CDK5RAP1: variants seen among roughly 807,000 people sequenced by gnomAD.
CDK5RAP1 encodes CDK5RAP1 mitochondrial tRNA methylthiotransferase, also known as mitochondrial tRNA methylthiotransferase CDK5RAP1.
CDK5RAP1 carries 62 observed loss-of-function variants against 64.5 expected under a neutral mutation model. That is an observed-to-expected ratio of 0.96 (90% CI 0.78 to 1.19). CDK5RAP1 has a LOEUF of 1.19. Ranked by LOEUF, CDK5RAP1 falls within the 50% of genes most tolerant of loss-of-function variation. CDK5RAP1 has a pLI of 0.00. For missense variants in CDK5RAP1, 657 were observed against 735.0 expected (o/e 0.89, Z 1.23); for synonymous variants, 250 against 261.9 (o/e 0.95, Z 0.44).
At chr20:33,388,533 CCCCTCT>C (rs1987767941) in intron 5 of CDK5RAP1, among the ~76,000 whole-genome samples, 2 of 89,618 alleles carry the variant, frequency 2.2e-5, no homozygotes, top group South Asian at 1.1e-3. Context: ...TCTCCCTCTC[CCCCTCT>C]CCCTCTCCCC....
At position 33,388,643 on chromosome 20, in the gene CDK5RAP1, C is replaced by T. The variant is rs1987813266; in HGVS notation, c.545-1110G>A. Among the ~76,000 whole-genome samples, 11 of 150,936 alleles carry T rather than the reference C, an allele frequency of 7.3e-5. No individual in the cohort carries two copies. The South Asian group carries it at 2.3e-3, about 32-fold the overall frequency. On this transcript the variant is annotated intron_variant, in intron 5 of 13. Coordinates refer to ENST00000346416, the MANE Select transcript of CDK5RAP1 (RefSeq NM_016408.4). Reference sequence around the variant, plus strand: ...CCTCTCTTTCCACTGTCTCCCTCTCCCTCTCTTTCCACGGTCTCCCTCTGA... The same window carrying T: ...CCTCTCTTTCCACTGTCTCCCTCTCTCTCTCTTTCCACGGTCTCCCTCTGA...
intron 12 of CDK5RAP1, among the ~76,000 whole-genome samples, chr20:33,361,114 T>C (rs1455626804): frequency 6.6e-6 from 1 of 152,200 alleles, no homozygotes; most frequent in African/African-American, 2.4e-5. Context: ...TTTCGGATAC[T>C]GGACAAGAGA....
intron 5 of CDK5RAP1, among the ~76,000 whole-genome samples, chr20:33,391,328 C>CTAG (rs2146706646): frequency 6.6e-6 from 1 of 151,770 alleles, no homozygotes; most frequent in South Asian, 2.1e-4. Context: ...CTGGTAGCCC[C>CTAG]TAGTCATGTG....
At chr20:33,385,111 G>A (rs1049654930) in intron 7 of CDK5RAP1, among the ~76,000 whole-genome samples, 3 of 152,134 alleles carry the variant, frequency 2.0e-5, no homozygotes, top group Admixed American at 1.3e-4. Context: ...GCTCCCAGTG[G>A]GAGAAAGAAG....
At position 33,389,616 on chromosome 20, in the gene CDK5RAP1, C is replaced by T. The variant is rs890998118; in HGVS notation, c.545-2083G>A. 3.3e-5 allele frequency among the ~76,000 whole-genome samples: 5 copies of T among 151,660 alleles called. No individual in the cohort carries two copies. The South Asian group carries it at 6.2e-4, about 19-fold the overall frequency. On this transcript the variant is annotated intron_variant, in intron 5 of 13. Coordinates refer to ENST00000346416, the MANE Select transcript of CDK5RAP1 (RefSeq NM_016408.4). ...GCAGCCCCCGCCCGGCCAGCCGCCCCGTCCAGGAGGTGGGGGGCGCCTCTG... is the reference window on the plus strand; with the variant it reads ...GCAGCCCCCGCCCGGCCAGCCGCCCTGTCCAGGAGGTGGGGGGCGCCTCTG...
intron 7 of CDK5RAP1, 133 bp downstream of exon 7, chr20:33,385,517 A>G (rs1987308436): frequency 1.0e-6 from 1 of 996,292 alleles, no homozygotes; most frequent in Admixed American, 2.4e-5. Flanking sequence ...GATGTACACA[A>G]AAGTAGTTCT....
intron 9 of CDK5RAP1, 51 bp downstream of exon 9, chr20:33,374,064 T>C (rs1875176204): frequency 8.0e-7 from 1 of 1,250,564 alleles, no homozygotes; most frequent in Non-Finnish European, 1.2e-6. Context: ...TGTTTGGTCA[T>C]TAAGGAAACA....
intron 12 of CDK5RAP1, among the ~76,000 whole-genome samples, chr20:33,366,482 C>T (rs1280872428): frequency 6.6e-5 from 10 of 151,658 alleles, no homozygotes; most frequent in Non-Finnish European, 1.5e-4. Context: ...CATGGTGACA[C>T]ACACCTGTAA....
intron 1 of CDK5RAP1, among the ~76,000 whole-genome samples, chr20:33,400,272 C>T (rs1165223186): frequency 6.6e-6 from 1 of 152,222 alleles, no homozygotes; most frequent in Non-Finnish European, 1.5e-5. Flanking sequence ...CTGCTATACA[C>T]GTGTAAAGAG....
chr20:33,400,066 T>C (rs1368625916), intron 1 of CDK5RAP1, among the ~76,000 whole-genome samples: 1 of 152,078 alleles, frequency 6.6e-6, no homozygotes, highest in Non-Finnish European at 1.5e-5. Flanking sequence ...GGAAATGGAA[T>C]GCACAAACTA....
chr20:33,385,318 C>T (rs1987276257), intron 7 of CDK5RAP1, among the ~76,000 whole-genome samples: 3 of 152,184 alleles, frequency 2.0e-5, no homozygotes, highest in Admixed American at 2.0e-4. Context: ...TCTAATAACC[C>T]TGCAAGCAAG....
intron 7 of CDK5RAP1, among the ~76,000 whole-genome samples, chr20:33,385,046 G>T (rs1987241247): frequency 6.6e-6 from 1 of 152,162 alleles, no homozygotes; most frequent in Non-Finnish European, 1.5e-5. Flanking sequence ...TTCTGCAGGG[G>T]TAGCAGATTC....
intron 8 of CDK5RAP1, 84 bp from the exon 9 acceptor site, chr20:33,374,296 T>C: frequency 2.4e-6 from 2 of 828,822 alleles, no homozygotes; most frequent in Non-Finnish European, 4.0e-6. Flanking sequence ...CTATGTATCC[T>C]CCAAGGTCAA....
chr20:33,385,484 TAATTTGTGGGCAATAAACC>T, intron 7 of CDK5RAP1, 147 bp downstream of exon 7: 1 of 676,578 alleles, frequency 1.5e-6, no homozygotes, highest in Non-Finnish European at 2.5e-6. Flanking sequence ...TGGAGCTCTG[TAATTTGTGGGCAATAAACC>T]AATGATGTAC....
At chr20:33,359,626 T>C (rs868513047) in intron 13 of CDK5RAP1, 8 of 156,342 alleles carry the variant, frequency 5.1e-5, no homozygotes, top group Admixed American at 1.2e-4. Flanking sequence ...GTACCCGGAA[T>C]TGCCCTAGGT....
chr20:33,399,102 T>C (rs980742135), intron 1 of CDK5RAP1, among the ~76,000 whole-genome samples: 3 of 151,840 alleles, frequency 2.0e-5, no homozygotes, highest in Middle Eastern at 3.2e-3. Flanking sequence ...TAAGAAACAA[T>C]AGTTGCCTCC....
chr20:33,365,518 C>T (rs1983748695), intron 12 of CDK5RAP1, among the ~76,000 whole-genome samples: 1 of 151,168 alleles, frequency 6.6e-6, no homozygotes, highest in Non-Finnish European at 1.5e-5. Context: ...GTGATCTACC[C>T]GCCTCGGCCC....
At chr20:33,379,295 T>G (rs1336890536) in intron 8 of CDK5RAP1, among the ~76,000 whole-genome samples, 166 bp downstream of exon 8, 1 of 152,104 alleles carries the variant, frequency 6.6e-6, no homozygotes, top group Non-Finnish European at 1.5e-5. Context: ...CAGCCACTGG[T>G]GGACTTCAAA....
chr20:33,372,183 G>A (rs1985140542), intron 10 of CDK5RAP1, among the ~76,000 whole-genome samples: 1 of 150,506 alleles, frequency 6.6e-6, no homozygotes, highest in Non-Finnish European at 1.5e-5. Context: ...ATTTTAAAAT[G>A]TATCTGTAAA....
Sources: gnomAD v4.1 joint callset for allele counts (sites outside exome capture counted in the v4.1 genomes callset) on GRCh38, gnomAD v4.1.1 for gene constraint, MANE v1.5 for transcripts, NCBI Gene and HGNC (gene_info 2026-07-23, HGNC 2026-07-21) for gene names.